Variants in AMMECR1 observed in about 807,000 individuals in gnomAD.
AMMECR1 encodes AMMECR nuclear protein 1.
In AMMECR1, 3 loss-of-function variants were observed where a neutral mutation model predicts 22.5. That is an observed-to-expected ratio of 0.13 (90% CI 0.06 to 0.35). AMMECR1 has a LOEUF of 0.35. AMMECR1 is among the 10% of genes least tolerant of loss of function. The pLI is 1.00. For missense variants in AMMECR1, 235 were observed against 278.7 expected (o/e 0.84, Z 1.12); for synonymous variants, 130 against 116.7 (o/e 1.11, Z -0.74).
intron 1 of AMMECR1, among the ~76,000 whole-genome samples, chrX:110,429,472 TTG>T (rs1291978995): frequency 1.3e-5 from 1 of 76,550 alleles, no homozygotes; most frequent in African/African-American, 1.4e-4. Context: ...TTTTTTTTTT[TTG>T]TTTTGTTTTT....
At chrX:110,420,465 C>T (rs1269443721) in intron 2 of AMMECR1, among the ~76,000 whole-genome samples, 1 of 112,254 alleles carries the variant, frequency 8.9e-6, no homozygotes, top group Non-Finnish European at 1.9e-5. Context: ...AGGTGCCTCT[C>T]ACCACAGGGT....
chrX:110,302,137 G>A (rs1166024434), intron 1 of AMMECR1, among the ~76,000 whole-genome samples: 1 of 111,658 alleles, frequency 9.0e-6, no homozygotes, highest in Non-Finnish European at 1.9e-5. Flanking sequence ...TATGGTTTCA[G>A]TTATATGCAT....
chrX:110,199,427 A>C (rs979831284), intron 5 of AMMECR1, among the ~76,000 whole-genome samples: 4 of 110,868 alleles, frequency 3.6e-5, no homozygotes, highest in African/African-American at 1.3e-4. Context: ...CTGTCCCCCC[A>C]CAGTGAACCC....
chrX:110,439,719 C>T (rs1237290755), intron 1 of AMMECR1, among the ~76,000 whole-genome samples: 2 of 110,929 alleles, frequency 1.8e-5, no homozygotes, highest in Non-Finnish European at 3.8e-5. Flanking sequence ...TTTTCATTTT[C>T]CAAACTAAGA....
intron 1 of AMMECR1, among the ~76,000 whole-genome samples, chrX:110,315,090 T>C (rs1019968861): frequency 8.9e-6 from 1 of 111,873 alleles, no homozygotes; most frequent in Non-Finnish European, 1.9e-5. Context: ...AATCCCAATA[T>C]GTCTGTTTAT....
chrX:110,438,567 C>T (rs1421302496), intron 1 of AMMECR1, among the ~76,000 whole-genome samples: 1 of 111,619 alleles, frequency 9.0e-6, no homozygotes, highest in Non-Finnish European at 1.9e-5. Context: ...TTACCAAGGA[C>T]CAAGCAAACA....
intron 2 of AMMECR1, among the ~76,000 whole-genome samples, chrX:110,367,595 G>A (rs2068305869): frequency 9.0e-6 from 1 of 110,949 alleles, no homozygotes; most frequent in Admixed American, 9.7e-5. Flanking sequence ...TTACAGGTAT[G>A]TCTTCATTTT....
intron 2 of AMMECR1, among the ~76,000 whole-genome samples, chrX:110,233,485 G>A (rs760659075): frequency 7.4e-4 from 83 of 111,867 alleles, no homozygotes; most frequent in African/African-American, 2.4e-3. Context: ...CATCTTATGC[G>A]GTCAACATCA....
chrX:110,314,578 G>A lies in AMMECR1; in HGVS notation c.473+3021C>T, dbSNP rs372441380. ...GCCAAAGTTAAGAATGACTGCTCTG[G>A]AGTCTAACTAGCTCAACACCTGGCA... On this transcript the variant is annotated intron_variant, in intron 1 of 5. Coordinates refer to ENST00000262844, the MANE Select transcript of AMMECR1 (RefSeq NM_015365.3). 6.3e-5 allele frequency among the ~76,000 whole-genome samples: 7 copies of A among 111,870 alleles called. No individual in the cohort carries two copies. In the East Asian group the frequency reaches 1.4e-3, roughly 22 times the overall value.
At chrX:110,339,419 A>AAC (rs1556095409) in intron 2 of AMMECR1, among the ~76,000 whole-genome samples, 1 of 106,715 alleles carries the variant, frequency 9.4e-6, no homozygotes, top group East Asian at 2.9e-4. Context: ...AAAAAAAAAA[A>AAC]AAAAAACAAA....
At chrX:110,357,560 G>T (rs1049764214) in intron 2 of AMMECR1, among the ~76,000 whole-genome samples, 5 of 112,064 alleles carry the variant, frequency 4.5e-5, no homozygotes, top group African/African-American at 1.3e-4. Context: ...CTTCCTTGCT[G>T]TAGGCTTTAA....
intron 2 of AMMECR1, among the ~76,000 whole-genome samples, chrX:110,423,361 G>A (rs1394839194): frequency 1.8e-5 from 2 of 110,209 alleles, no homozygotes; most frequent in African/African-American, 6.6e-5. Flanking sequence ...AAAGAAAGAG[G>A]AAGGAGAAGG....
At chrX:110,266,388 GTTTTA>G (rs1257195040) in intron 1 of AMMECR1, among the ~76,000 whole-genome samples, 1 of 110,563 alleles carries the variant, frequency 9.0e-6, no homozygotes, top group Non-Finnish European at 1.9e-5. Context: ...CCATTTTTTT[GTTTTA>G]TTTTGTTTTG....
intron 1 of AMMECR1, among the ~76,000 whole-genome samples, chrX:110,308,732 T>C (rs775200306): frequency 1.1e-3 from 122 of 111,397 alleles, no homozygotes; most frequent in Middle Eastern, 4.6e-3. Context: ...TTTTATTGGC[T>C]TGTTTTGTTT....
At chrX:110,321,495 A>C (rs2068078899), upstream of AMMECR1, among the ~76,000 whole-genome samples, 1 of 111,993 alleles carries the variant, frequency 8.9e-6, no homozygotes, top group Non-Finnish European at 1.9e-5. Context: ...ACTGTGGAAA[A>C]AAATACTTGG....
At chrX:110,319,891 A>C (rs1051676886), upstream of AMMECR1, among the ~76,000 whole-genome samples, 1 of 112,398 alleles carries the variant, frequency 8.9e-6, no homozygotes, top group Non-Finnish European at 1.9e-5. Context: ...ATTACACTCC[A>C]GCAGGTGGAA....
At chrX:110,306,725 T>A (rs2067997676) in intron 1 of AMMECR1, 1 of 111,901 alleles carries the variant, frequency 8.9e-6, no homozygotes, top group African/African-American at 3.3e-5. Context: ...CCCAAAGTGC[T>A]GGGATCACAG....
chrX:110,426,906 A>G (rs2068758500), intron 1 of AMMECR1: 1 of 112,321 alleles, frequency 8.9e-6, no homozygotes, highest in Non-Finnish European at 1.9e-5. Context: ...CCCATGTCCT[A>G]CCCTAAGCCT....
chrX:110,221,161 G>A (rs898930294), intron 2 of AMMECR1, among the ~76,000 whole-genome samples: 21 of 112,069 alleles, frequency 1.9e-4, no homozygotes, highest in Non-Finnish European at 1.3e-4. Flanking sequence ...TGTTTGGACA[G>A]GCAAAGAGAA....
Sources: gnomAD v4.1 joint callset for allele counts (sites outside exome capture counted in the v4.1 genomes callset) on GRCh38, gnomAD v4.1.1 for gene constraint, MANE v1.5 for transcripts, NCBI Gene and HGNC (gene_info 2026-07-23, HGNC 2026-07-21) for gene names.